POLA1: variants seen among roughly 807,000 people sequenced by gnomAD.
POLA1 encodes the protein DNA polymerase alpha catalytic subunit.
A neutral mutation model predicts 124.0 loss-of-function variants in POLA1; 15 were observed. The observed-to-expected ratio is 0.12, with a 90% CI of 0.08 to 0.19. The LOEUF (loss-of-function observed/expected upper bound fraction) is 0.19. Among genes scored for constraint, POLA1 ranks in the 10% least tolerant of loss-of-function variants. POLA1 has a pLI of 1.00. For synonymous variants in POLA1, 408 were observed against 389.4 expected, an observed-to-expected ratio of 1.05 and a Z score of -0.56; for missense variants, 886 against 1,103.4, an observed-to-expected ratio of 0.80 and a Z score of 2.79.
chrX:24,968,014 T>G (rs1479971213), intron 36 of POLA1, among the ~76,000 whole-genome samples: 1 of 111,722 alleles, frequency 9.0e-6, no homozygotes, highest in Admixed American at 9.4e-5. Flanking sequence ...TGTTATTTAG[T>G]TCCTTTCCCC....
At chrX:24,946,187 C>G (rs1226500293) in intron 36 of POLA1, among the ~76,000 whole-genome samples, 2 of 111,094 alleles carry the variant, frequency 1.8e-5, no homozygotes, top group African/African-American at 3.3e-5. Flanking sequence ...ATTTCTGAGA[C>G]CATTCCCACC....
intron 26 of POLA1, among the ~76,000 whole-genome samples, chrX:24,787,440 A>G (rs189112194): frequency 1.8e-5 from 2 of 111,865 alleles, no homozygotes; most frequent in Admixed American, 1.9e-4. Flanking sequence ...GTGGATATCT[A>G]GTTTTCCCAG....
chrX:24,903,039 G>A (rs773989026), intron 35 of POLA1, among the ~76,000 whole-genome samples: 2 of 112,548 alleles, frequency 1.8e-5, no homozygotes, highest in South Asian at 3.7e-4. Context: ...CACCAGATGT[G>A]GGTGAGTGTA....
intron 34 of POLA1, among the ~76,000 whole-genome samples, chrX:24,862,913 C>T (rs899183123): frequency 1.8e-5 from 2 of 112,004 alleles, no homozygotes; most frequent in African/African-American, 6.5e-5. Flanking sequence ...TACACAAGGT[C>T]AGGTAAACAA....
At chrX:24,721,371 C>T (rs1930191245) in intron 10 of POLA1, among the ~76,000 whole-genome samples, 1 of 112,036 alleles carries the variant, frequency 8.9e-6, no homozygotes, top group Non-Finnish European at 1.9e-5. Context: ...TGTGTTCTCT[C>T]CTATGGCACA....
chrX:24,723,767 G>A (rs961534414), intron 11 of POLA1, among the ~76,000 whole-genome samples: 1 of 112,168 alleles, frequency 8.9e-6, no homozygotes, highest in Admixed American at 9.4e-5. Flanking sequence ...TGCAACCTCC[G>A]CCTTCTGGGT....
At chrX:24,928,416 C>T (rs1416568314) in intron 35 of POLA1, among the ~76,000 whole-genome samples, 1 of 111,881 alleles carries the variant, frequency 8.9e-6, no homozygotes, top group Non-Finnish European at 1.9e-5. Flanking sequence ...TCAACAGCTG[C>T]GTTAACCAAC....
At chrX:24,781,358 G>T (rs1282349159) in intron 26 of POLA1, among the ~76,000 whole-genome samples, 3 of 111,486 alleles carry the variant, frequency 2.7e-5, no homozygotes, top group Non-Finnish European at 5.6e-5. Flanking sequence ...GTTATCAACG[G>T]TAAGAGGCTA....
At chrX:24,715,860 C>T (rs1294778142) in intron 6 of POLA1, among the ~76,000 whole-genome samples, 10 of 111,154 alleles carry the variant, frequency 9.0e-5, no homozygotes, top group Non-Finnish European at 1.9e-4. Flanking sequence ...TGTCAATCTG[C>T]ACAATCAGGT....
chrX:24,864,917 C>G (rs184495198), intron 34 of POLA1, among the ~76,000 whole-genome samples: 47 of 111,915 alleles, frequency 4.2e-4, no homozygotes, highest in African/African-American at 1.5e-3. Flanking sequence ...CAAACACTTG[C>G]TAAATATTTT....
intron 35 of POLA1, among the ~76,000 whole-genome samples, chrX:24,923,639 A>G (rs1405249214): frequency 8.9e-6 from 1 of 112,269 alleles, no homozygotes; most frequent in Non-Finnish European, 1.9e-5. Flanking sequence ...CAAATTACCA[A>G]AAAGACTTCT....
chrX:24,732,347 G>GT (rs1475331483), intron 15 of POLA1, 23 bp from the exon 16 acceptor site: 1 of 1,080,239 alleles, frequency 9.3e-7, no homozygotes, highest in Non-Finnish European at 1.3e-6. Context: ...TGGTAAGTGG[G>GT]TTTTTTCCTC....
chrX:24,779,851 C>G (rs1031319844), intron 26 of POLA1, among the ~76,000 whole-genome samples: 1 of 112,016 alleles, frequency 8.9e-6, no homozygotes, highest in Non-Finnish European at 1.9e-5. Flanking sequence ...GGATGCAAAT[C>G]CAGTCATTTT....
intron 26 of POLA1, among the ~76,000 whole-genome samples, chrX:24,788,043 A>G (rs751725913): frequency 1.8e-5 from 2 of 112,588 alleles, no homozygotes; most frequent in Non-Finnish European, 1.9e-5. Context: ...TCCCTGGTAT[A>G]TAAGAATGTT....
At chrX:24,917,942 G>GATGGGTATTTT (rs775432123) in intron 35 of POLA1, among the ~76,000 whole-genome samples, 1 of 111,665 alleles carries the variant, frequency 9.0e-6, no homozygotes, top group Admixed American at 9.6e-5. Flanking sequence ...ACGACATTCT[G>GATGGGTATTTT]ATGGGTATTT....
intron 12 of POLA1, 57 bp from the exon 13 acceptor site, chrX:24,725,924 C>A: frequency 1.4e-6 from 1 of 714,826 alleles, no homozygotes; most frequent in Non-Finnish European, 2.2e-6. Flanking sequence ...TATTGTAATA[C>A]TGGTTAGTTT....
intron 35 of POLA1, among the ~76,000 whole-genome samples, chrX:24,898,835 C>T (rs2047238808): frequency 9.0e-6 from 1 of 111,497 alleles, no homozygotes; most frequent in African/African-American, 3.3e-5. Context: ...CTAACTTCAG[C>T]GCATTTCATT....
chrX:24,707,926 C>T (rs1182170872), intron 4 of POLA1, among the ~76,000 whole-genome samples: 1 of 111,797 alleles, frequency 8.9e-6, no homozygotes, highest in African/African-American at 3.3e-5. Flanking sequence ...ACCCGGGAGG[C>T]AGAGGTTGCA....
chrX:24,854,803 T>A (rs1345798607), intron 34 of POLA1, among the ~76,000 whole-genome samples: 1 of 108,470 alleles, frequency 9.2e-6, no homozygotes, highest in Non-Finnish European at 1.9e-5. Flanking sequence ...CAGTCCATCC[T>A]GGGCGACAGA....
Sources: gnomAD v4.1 joint callset for allele counts (sites outside exome capture counted in the v4.1 genomes callset) on GRCh38, gnomAD v4.1.1 for gene constraint, MANE v1.5 for transcripts, NCBI Gene and HGNC (gene_info 2026-07-23, HGNC 2026-07-21) for gene names.